The following CBLB variants were observed in gnomAD, a reference collection of about 807,000 sequenced individuals.
The protein encoded by CBLB is E3 ubiquitin-protein ligase CBL-B.
Under a neutral mutation model 104.9 loss-of-function variants are expected in CBLB, and 31 were observed. The observed-to-expected ratio is 0.30, with a 90% CI of 0.22 to 0.40. The LOEUF (loss-of-function observed/expected upper bound fraction) is 0.40. CBLB is among the 10% of genes least tolerant of loss of function. The pLI is 1.00. For missense variants in CBLB, 1,062 were observed against 1,214.6 expected (o/e 0.87, Z 1.87); for synonymous variants, 440 against 422.6 (o/e 1.04, Z -0.51).
At chr3:105,794,789 C>T (rs1465633427) in intron 3 of CBLB, among the ~76,000 whole-genome samples, 1 of 152,146 alleles carries the variant, frequency 6.6e-6, no homozygotes, top group African/African-American at 2.4e-5. Context: ...AAAATATATA[C>T]ATACATTCTA....
intron 4 of CBLB, among the ~76,000 whole-genome samples, chr3:105,754,564 TA>T (rs2076911908): frequency 1.2e-5 from 1 of 81,590 alleles, no homozygotes; most frequent in Non-Finnish European, 2.7e-5. Context: ...AGAGAGAAAA[TA>T]AAAAGGCCAA....
intron 13 of CBLB, among the ~76,000 whole-genome samples, chr3:105,690,494 C>G (rs1431419970): frequency 6.6e-6 from 1 of 152,010 alleles, no homozygotes; most frequent in Non-Finnish European, 1.5e-5. Context: ...TCTCTTCTAC[C>G]AGATGGGGAA....
intron 18 of CBLB, among the ~76,000 whole-genome samples, chr3:105,665,702 C>T (rs920095360): frequency 6.8e-6 from 1 of 147,888 alleles, no homozygotes; most frequent in African/African-American, 2.5e-5. Flanking sequence ...TATATAAATA[C>T]AATTATATAT....
intron 3 of CBLB, among the ~76,000 whole-genome samples, chr3:105,839,912 C>T (rs1026961511): frequency 1.3e-5 from 2 of 152,180 alleles, no homozygotes; most frequent in African/African-American, 4.8e-5. Context: ...GGAAAAAATT[C>T]ACACAAAATG....
intron 9 of CBLB, among the ~76,000 whole-genome samples, chr3:105,730,266 T>A (rs16851530): frequency 0.018 from 2,663 of 152,080 alleles, 71 homozygotes; most frequent in African/African-American, 0.06. Context: ...ATGTAAAATG[T>A]TAAGGAAATC....
At chr3:105,827,372 C>T (rs1317855336) in intron 3 of CBLB, among the ~76,000 whole-genome samples, 2 of 152,152 alleles carry the variant, frequency 1.3e-5, no homozygotes, top group Non-Finnish European at 2.9e-5. Flanking sequence ...ATAACACTCA[C>T]AATTTCTTGT....
intron 13 of CBLB, among the ~76,000 whole-genome samples, chr3:105,690,316 A>G (rs1207714628): frequency 6.6e-6 from 1 of 152,146 alleles, no homozygotes; most frequent in Non-Finnish European, 1.5e-5. Context: ...TATTTCTGTG[A>G]GTGGCATTTT....
intron 3 of CBLB, among the ~76,000 whole-genome samples, chr3:105,788,503 C>CTGTG (rs2081282954): frequency 6.6e-6 from 1 of 152,118 alleles, no homozygotes; most frequent in Non-Finnish European, 1.5e-5. Flanking sequence ...TTGTGTTGAG[C>CTGTG]TACATTCAAA....
At chr3:105,812,675 A>C (rs947623129) in intron 3 of CBLB, among the ~76,000 whole-genome samples, 3 of 152,230 alleles carry the variant, frequency 2.0e-5, no homozygotes, top group African/African-American at 7.2e-5. Flanking sequence ...CTGTGAGATG[A>C]AGATACAAAA....
At chr3:105,829,026 T>C (rs911602343) in intron 3 of CBLB, among the ~76,000 whole-genome samples, 33 of 152,200 alleles carry the variant, frequency 2.2e-4, no homozygotes, top group African/African-American at 6.5e-4. Flanking sequence ...TCTTTTTAAG[T>C]TACAGTCTTT....
rs2080917089 is a variant in CBLB, at chr3:105,785,816, T to A, written c.420-9274A>T. 2.0e-5 allele frequency among the ~76,000 whole-genome samples: 3 copies of A among 152,150 alleles called. No homozygotes were observed. In the South Asian group the frequency reaches 6.2e-4, roughly 31 times the overall value. On this transcript the variant is annotated intron_variant, in intron 3 of 18. Transcript: ENST00000394030. Reference sequence around the variant, plus strand: ...ATTATCTTTATTCAGTATGTGCAAATATAAAGATAAAAACAAACACAAATT... The same window carrying A: ...ATTATCTTTATTCAGTATGTGCAAAAATAAAGATAAAAACAAACACAAATT...
intron 4 of CBLB, among the ~76,000 whole-genome samples, chr3:105,774,576 GTATC>G (rs2079238944): frequency 6.6e-6 from 1 of 152,154 alleles, no homozygotes; most frequent in South Asian, 2.1e-4. Context: ...GGTAGGGAAA[GTATC>G]TAATCACTAT....
At chr3:105,745,769 G>A (rs2152894496) in intron 6 of CBLB, 148 bp downstream of exon 6, 1 of 687,032 alleles carries the variant, frequency 1.5e-6, no homozygotes, top group Non-Finnish European at 2.6e-6. Flanking sequence ...AAAACATTAT[G>A]TTAAGAAGCA....
chr3:105,832,399 C>T (rs953384367), intron 3 of CBLB, among the ~76,000 whole-genome samples: 1 of 152,154 alleles, frequency 6.6e-6, no homozygotes, highest in African/African-American at 2.4e-5. Flanking sequence ...TTACTTGTAA[C>T]TCTGATACTT....
At chr3:105,748,832 C>T (rs1255290457) in intron 5 of CBLB, among the ~76,000 whole-genome samples, 3 of 152,094 alleles carry the variant, frequency 2.0e-5, no homozygotes, top group Non-Finnish European at 4.4e-5. Flanking sequence ...CCCCCACTGG[C>T]TCCTTCTTCT....
intron 3 of CBLB, among the ~76,000 whole-genome samples, chr3:105,801,089 T>A (rs2082808320): frequency 6.6e-6 from 1 of 152,182 alleles, no homozygotes; most frequent in Admixed American, 6.5e-5. Context: ...TTTTTCTTAA[T>A]CGCTTGTGAG....
At chr3:105,739,050 G>A (rs1024468096) in intron 7 of CBLB, among the ~76,000 whole-genome samples, 2 of 152,052 alleles carry the variant, frequency 1.3e-5, no homozygotes, top group African/African-American at 2.4e-5. Flanking sequence ...GAGGACTACC[G>A]TCACGCGCCA....
chr3:105,842,860 A>G (rs374763665), intron 3 of CBLB, among the ~76,000 whole-genome samples: 9 of 152,330 alleles, frequency 5.9e-5, no homozygotes, highest in African/African-American at 1.9e-4. Flanking sequence ...TAGCCAACTT[A>G]TATACTCAGT....
chr3:105,665,107 T>C (rs2064225509), intron 18 of CBLB, among the ~76,000 whole-genome samples: 1 of 152,100 alleles, frequency 6.6e-6, no homozygotes, highest in Non-Finnish European at 1.5e-5. Context: ...TTGACATTAA[T>C]AGTATCTATT....
Sources: allele counts gnomAD v4.1 joint callset (sites outside exome capture counted in the v4.1 genomes callset), GRCh38; gene constraint gnomAD v4.1.1; transcripts MANE v1.5; gene names NCBI Gene and HGNC (gene_info 2026-07-23, HGNC 2026-07-21).